Variants in GALNT13 observed in about 807,000 individuals in gnomAD.
GALNT13 encodes polypeptide N-acetylgalactosaminyltransferase 13, also known as UDP-GalNAc:polypeptide N-acetylgalactosaminyltransferase 13.
In GALNT13, 28 loss-of-function variants were observed where a neutral mutation model predicts 64.2. The ratio of observed to expected loss-of-function variants is 0.44; its 90% CI spans 0.32 to 0.60. The LOEUF (loss-of-function observed/expected upper bound fraction) is 0.60, where lower values mean the gene tolerates loss of function less well. Ranked by LOEUF, GALNT13 falls within the 20% of genes least tolerant of loss-of-function variation. The pLI, the probability that GALNT13 is intolerant of heterozygous loss-of-function variation, is 0.05. For synonymous variants in GALNT13, 214 were observed against 224.6 expected, an observed-to-expected ratio of 0.95 and a Z score of 0.42; for missense variants, 577 against 669.8, an observed-to-expected ratio of 0.86 and a Z score of 1.53.
intron 8 of GALNT13, among the ~76,000 whole-genome samples, chr2:154,266,499 A>G (rs1361974073): frequency 4.6e-5 from 7 of 152,116 alleles, no homozygotes; most frequent in Non-Finnish European, 1.0e-4. Context: ...ACTGATATTA[A>G]ACATTATCTA....
At chr2:153,808,146 T>A in the GALNT13 span, among the ~76,000 whole-genome samples, 1 of 152,178 alleles carries the variant, frequency 6.6e-6, no homozygotes, top group African/African-American at 2.4e-5. Context: ...AATGTGACTA[T>A]GTTTTTTCTT....
chr2:153,587,133 C>T, the GALNT13 span, among the ~76,000 whole-genome samples: 14 of 151,304 alleles, frequency 9.3e-5, no homozygotes, highest in African/African-American at 3.4e-4. Context: ...ACTCCGGAGG[C>T]CTAGACACAA....
chr2:153,170,548 C>T, the GALNT13 span, among the ~76,000 whole-genome samples: 1 of 152,116 alleles, frequency 6.6e-6, no homozygotes, highest in East Asian at 1.9e-4. Context: ...TTAACTTAAG[C>T]AGCTGGCTAA....
intron 3 of GALNT13, among the ~76,000 whole-genome samples, chr2:154,106,404 C>A (rs968280989): frequency 2.6e-5 from 4 of 151,924 alleles, no homozygotes; most frequent in African/African-American, 9.7e-5. Flanking sequence ...ATATGTATGT[C>A]CAAGTTCTCT....
the GALNT13 span, among the ~76,000 whole-genome samples, chr2:153,140,907 A>C: frequency 1.3e-5 from 2 of 152,010 alleles, no homozygotes; most frequent in Admixed American, 6.6e-5. Flanking sequence ...AAAGTGTTTA[A>C]TTCAACACCT....
chr2:153,385,452 A>T, the GALNT13 span, among the ~76,000 whole-genome samples: 93 of 152,142 alleles, frequency 6.1e-4, 1 homozygote, highest in Non-Finnish European at 9.6e-4. Context: ...CAAACATCAC[A>T]TGTTCTCACT....
chr2:154,153,708 A>G (rs1250735371), intron 4 of GALNT13, among the ~76,000 whole-genome samples: 1 of 151,902 alleles, frequency 6.6e-6, no homozygotes, highest in African/African-American at 2.4e-5. Context: ...AATCAGCGAG[A>G]CTCCATGGGC....
At chr2:153,667,682 A>G in the GALNT13 span, among the ~76,000 whole-genome samples, 1 of 152,238 alleles carries the variant, frequency 6.6e-6, no homozygotes, top group Non-Finnish European at 1.5e-5. Flanking sequence ...ATTCTTAAGT[A>G]CATAGAGCAT....
the GALNT13 span, among the ~76,000 whole-genome samples, chr2:153,801,426 T>C: frequency 6.6e-6 from 1 of 152,182 alleles, no homozygotes; most frequent in African/African-American, 2.4e-5. Context: ...GAGGCCATTG[T>C]AGAGATATTA....
At chr2:153,294,782 C>T in the GALNT13 span, among the ~76,000 whole-genome samples, 7 of 152,260 alleles carry the variant, frequency 4.6e-5, no homozygotes, top group Admixed American at 4.6e-4. Context: ...TTATTGAAAA[C>T]ATCATCATCC....
the GALNT13 span, among the ~76,000 whole-genome samples, chr2:153,142,407 GT>G: frequency 6.6e-6 from 1 of 152,118 alleles, no homozygotes; most frequent in East Asian, 1.9e-4. Context: ...AACATATCAA[GT>G]AATGTCCTAA....
the GALNT13 span, among the ~76,000 whole-genome samples, chr2:153,166,671 G>GTGTGTGTGTGTGTGTGTGTGTGTGTGT: frequency 6.9e-6 from 1 of 145,158 alleles, no homozygotes; most frequent in Admixed American, 7.1e-5. Context: ...GTGTGTGTGT[G>GTGTGTGTGTGTGTGTGTGTGTGTGTGT]ATGGGACTGT....
At chr2:153,962,777 C>T (rs1693033156) in intron 3 of GALNT13, among the ~76,000 whole-genome samples, 1 of 152,116 alleles carries the variant, frequency 6.6e-6, no homozygotes, top group South Asian at 2.1e-4. Context: ...GCACAATGTC[C>T]CTCATACCTC....
the GALNT13 span, among the ~76,000 whole-genome samples, chr2:153,239,099 T>C: frequency 6.6e-6 from 1 of 152,170 alleles, no homozygotes; most frequent in East Asian, 1.9e-4. Context: ...TTTGTAGTTA[T>C]TGTAAATGGG....
intron 9 of GALNT13, among the ~76,000 whole-genome samples, chr2:154,302,884 G>C (rs1366960963): frequency 6.6e-6 from 1 of 152,108 alleles, no homozygotes; most frequent in Non-Finnish European, 1.5e-5. Context: ...CCTTTAAAAG[G>C]TGCTAAACTC....
the GALNT13 span, among the ~76,000 whole-genome samples, chr2:153,215,187 A>G: frequency 6.6e-6 from 1 of 152,078 alleles, no homozygotes; most frequent in East Asian, 1.9e-4. Flanking sequence ...CATAGTAAAA[A>G]GTCCCCCTCC....
At chr2:153,281,938 T>C in the GALNT13 span, among the ~76,000 whole-genome samples, 1 of 152,096 alleles carries the variant, frequency 6.6e-6, no homozygotes, top group Non-Finnish European at 1.5e-5. Flanking sequence ...TATATTTGGA[T>C]GTTTACCTGT....
At chr2:154,170,753 A>G (rs1237662888) in intron 4 of GALNT13, among the ~76,000 whole-genome samples, 1 of 152,216 alleles carries the variant, frequency 6.6e-6, no homozygotes, top group African/African-American at 2.4e-5. Context: ...AAGTATTATT[A>G]TATTTTCCTT....
chr2:154,248,250 A>G (rs1202163497), intron 7 of GALNT13, among the ~76,000 whole-genome samples: 1 of 152,136 alleles, frequency 6.6e-6, no homozygotes, highest in Non-Finnish European at 1.5e-5. Flanking sequence ...CAGTTATACT[A>G]CATCTAAAGT....
Sources: allele counts gnomAD v4.1 joint callset (sites outside exome capture counted in the v4.1 genomes callset), GRCh38; gene constraint gnomAD v4.1.1; transcripts MANE v1.5; gene names NCBI Gene and HGNC (gene_info 2026-07-23, HGNC 2026-07-21).